Variants in L3MBTL4 observed in about 807,000 individuals in gnomAD.
The protein encoded by L3MBTL4 is L3MBTL histone methyl-lysine binding protein 4.
L3MBTL4 carries 70 observed loss-of-function variants against 84.5 expected under a neutral mutation model. The ratio of observed to expected loss-of-function variants is 0.83; its 90% CI spans 0.68 to 1.01. L3MBTL4 has a LOEUF of 1.01. Among genes scored for constraint, L3MBTL4 ranks in the 50% least tolerant of loss-of-function variants. The probability of loss-of-function intolerance (pLI) is 0.00; values close to 1 mark genes in which losing one functional copy is unlikely to be tolerated. For synonymous variants in L3MBTL4, 274 were observed against 259.8 expected (o/e 1.05, Z -0.52); for missense variants, 715 against 754.8 (o/e 0.95, Z 0.62).
chr18:6,194,317 G>C (rs983660003), intron 12 of L3MBTL4, among the ~76,000 whole-genome samples: 1 of 152,180 alleles, frequency 6.6e-6, no homozygotes, highest in African/African-American at 2.4e-5. Flanking sequence ...CCCACAGGGC[G>C]TGGCGATGGT....
At chr18:6,130,850 CA>C (rs2059855355) in intron 14 of L3MBTL4, among the ~76,000 whole-genome samples, 1 of 144,606 alleles carries the variant, frequency 6.9e-6, no homozygotes, top group Non-Finnish European at 1.5e-5. Flanking sequence ...AATTGTGTGC[CA>C]AAAGTCCTAT....
intron 16 of L3MBTL4, among the ~76,000 whole-genome samples, chr18:6,004,857 G>A (rs562596812): frequency 2.0e-4 from 31 of 152,082 alleles, no homozygotes; most frequent in Non-Finnish European, 4.0e-4. Context: ...GCGGCAATGG[G>A]GAATTATTGT....
chr18:6,197,780 C>T (rs562883450), intron 12 of L3MBTL4, among the ~76,000 whole-genome samples: 2 of 152,182 alleles, frequency 1.3e-5, no homozygotes, highest in African/African-American at 4.8e-5. Flanking sequence ...CAGACTTCCA[C>T]TTAGCCAAGG....
At chr18:6,162,555 G>A (rs890513340) in intron 13 of L3MBTL4, among the ~76,000 whole-genome samples, 5 of 152,098 alleles carry the variant, frequency 3.3e-5, no homozygotes, top group Non-Finnish European at 5.9e-5. Flanking sequence ...AAAAGATACT[G>A]GACATTATAG....
chr18:6,262,083 T>C lies in L3MBTL4; in HGVS notation c.219+1864A>G, dbSNP rs2048429604. Among the ~76,000 whole-genome samples the C allele has an allele frequency of 2.0e-5, 3 of 152,222 alleles. No homozygotes were observed. The South Asian group carries it at 6.2e-4, about 32-fold the overall frequency. On this transcript the variant is annotated intron_variant, in intron 5 of 18. Transcript: ENST00000317931. ...ATCGGGGCGCAAACCTCACCTATGTTCTTTGGCTCAACCTCAAATCCTGGA... is the reference window on the plus strand; with the variant it reads ...ATCGGGGCGCAAACCTCACCTATGTCCTTTGGCTCAACCTCAAATCCTGGA...
intron 1 of L3MBTL4, among the ~76,000 whole-genome samples, chr18:6,348,855 G>A (rs911721445): frequency 5.3e-5 from 8 of 152,154 alleles, no homozygotes; most frequent in East Asian, 1.9e-4. Flanking sequence ...ACAAATTGAC[G>A]ATGATAGCAA....
chr18:6,217,044 A>G (rs933950138), intron 10 of L3MBTL4, among the ~76,000 whole-genome samples: 9 of 152,294 alleles, frequency 5.9e-5, no homozygotes, highest in Admixed American at 5.9e-4. Context: ...AGAAAGTCTG[A>G]AGCAATATGC....
At chr18:6,110,525 G>C (rs972400350) in intron 14 of L3MBTL4, among the ~76,000 whole-genome samples, 2 of 141,282 alleles carry the variant, frequency 1.4e-5, no homozygotes, top group East Asian at 4.3e-4. Context: ...GTGTGTGGCT[G>C]TGTGCACATG....
chr18:6,057,897 T>C (rs1455889669), intron 16 of L3MBTL4, among the ~76,000 whole-genome samples: 1 of 152,222 alleles, frequency 6.6e-6, no homozygotes, highest in Non-Finnish European at 1.5e-5. Context: ...TATTTTCATA[T>C]GGTATTGAAA....
intron 3 of L3MBTL4, among the ~76,000 whole-genome samples, chr18:6,304,767 T>C (rs150852867): frequency 1.2e-3 from 185 of 152,264 alleles, no homozygotes; most frequent in Middle Eastern, 0.01. Context: ...GAAATTTACA[T>C]ATGTAATTCA....
rs116290908 is a variant in L3MBTL4 at position 6,211,587 on chromosome 18, A to C, written c.981+1562T>G. Among the ~76,000 whole-genome samples the C allele has an allele frequency of 4.5e-3, 678 of 152,312 alleles. 4 individuals are homozygous for C. Among genetic ancestry groups the C allele is most frequent in the African/African-American group, 0.016 (652 of 41,566 alleles). On this transcript the variant is annotated intron_variant, in intron 12 of 18. Transcript: ENST00000317931. ...ATGAATAATAAGAAAACAGTCTGTCAACTAAAAATCTAAGTCAGATTTGAT... is the reference window on the plus strand; with the variant it reads ...ATGAATAATAAGAAAACAGTCTGTCCACTAAAAATCTAAGTCAGATTTGAT...
At chr18:6,128,531 G>A (rs2059775341) in intron 14 of L3MBTL4, among the ~76,000 whole-genome samples, 2 of 152,104 alleles carry the variant, frequency 1.3e-5, no homozygotes, top group South Asian at 2.1e-4. Flanking sequence ...AGTCCCATGG[G>A]TGGATTTAAA....
intron 15 of L3MBTL4, among the ~76,000 whole-genome samples, chr18:6,082,743 AT>A: frequency 6.6e-6 from 1 of 152,314 alleles, no homozygotes; most frequent in Non-Finnish European, 1.5e-5. Flanking sequence ...AATCAAATAA[AT>A]TTGTTGGGTG....
intron 1 of L3MBTL4, among the ~76,000 whole-genome samples, chr18:6,381,585 T>C (rs2054597191): frequency 6.6e-6 from 1 of 152,236 alleles, no homozygotes; most frequent in Non-Finnish European, 1.5e-5. Context: ...TCTCCTGCAC[T>C]TATGAAGCTT....
At chr18:6,058,213 A>G (rs934153490) in intron 16 of L3MBTL4, among the ~76,000 whole-genome samples, 3 of 152,234 alleles carry the variant, frequency 2.0e-5, no homozygotes, top group Non-Finnish European at 4.4e-5. Context: ...AAATGTCAAA[A>G]TAGCAGTGCT....
At chr18:6,078,216 CAA>C (rs2057928782) in intron 16 of L3MBTL4, among the ~76,000 whole-genome samples, 2 of 150,772 alleles carry the variant, frequency 1.3e-5, no homozygotes, top group South Asian at 4.2e-4. Context: ...CACCTGAGCT[CAA>C]GAGTTCAAAA....
Position 6,243,409 on chromosome 18 carries a change from T to G in L3MBTL4, c.345A>C (p.Arg115Ser). 3.7e-6 allele frequency: 6 copies of G among 1,604,624 alleles called. No individual in the cohort carries two copies. Among genetic ancestry groups the G allele is most frequent in the Non-Finnish European group, 4.3e-6 (5 of 1,176,140 alleles). The change falls in exon 7 of 19, where the codon AGA becomes AGC. Residue 115 changes from arginine (R) to serine (S), a missense_variant. Transcript: ENST00000317931. ...AACTTAAATAACCATCAAAATGAAGTCTTAGACGGTAACCACAAACCTGCA... is the reference window on the plus strand; with the variant it reads ...AACTTAAATAACCATCAAAATGAAGGCTTAGACGGTAACCACAAACCTGCA... ...SVAEVCGYRL[R>S]LHFDGYLSCY...
At chr18:6,005,528 TCTTC>T (rs1567973844) in intron 16 of L3MBTL4, among the ~76,000 whole-genome samples, 1 of 152,198 alleles carries the variant, frequency 6.6e-6, no homozygotes, top group East Asian at 1.9e-4. Context: ...TCTGTGGTTC[TCTTC>T]CTTGTGTCCA....
At chr18:6,103,761 C>T (rs191841384) in intron 14 of L3MBTL4, among the ~76,000 whole-genome samples, 13 of 152,280 alleles carry the variant, frequency 8.5e-5, no homozygotes, top group Admixed American at 6.5e-4. Context: ...TAATATTGAA[C>T]CAATGCCAAC....
Sources: allele counts gnomAD v4.1 joint callset (sites outside exome capture counted in the v4.1 genomes callset), GRCh38; gene constraint gnomAD v4.1.1; transcripts MANE v1.5; gene names NCBI Gene and HGNC (gene_info 2026-07-23, HGNC 2026-07-21).